Variants in MYL6B observed in about 807,000 individuals in gnomAD.
MYL6B encodes the protein myosin alkali light chain 1 slow a.
Under a neutral mutation model 24.5 loss-of-function variants are expected in MYL6B, and 19 were observed. The observed-to-expected ratio is 0.78, with a 90% CI of 0.54 to 1.14. The LOEUF (loss-of-function observed/expected upper bound fraction) is 1.14. MYL6B is among the 50% of genes most tolerant of loss of function. The probability of loss-of-function intolerance (pLI) is 0.00; values close to 1 mark genes in which losing one functional copy is unlikely to be tolerated. For missense variants in MYL6B, 230 were observed against 263.8 expected (o/e 0.87, Z 0.89); for synonymous variants, 90 against 100.7 (o/e 0.89, Z 0.64).
chr12:56,155,737 G>C lies in MYL6B; in HGVS notation c.520+145G>C, dbSNP rs761923982. 47 of 1,540,678 alleles carry C rather than the reference G, an allele frequency of 3.1e-5. No homozygotes were observed. In the South Asian group the frequency reaches 5.5e-4, roughly 18 times the overall value. ...AGGAGACTGAGAAGGTCAGAGCTATGGGGGTAGAATCTGAAGGACTCGCTC... is the reference window on the plus strand; with the variant it reads ...AGGAGACTGAGAAGGTCAGAGCTATCGGGGTAGAATCTGAAGGACTCGCTC... On this transcript the variant is annotated intron_variant, in intron 5 of 6. Coordinates refer to ENST00000553066, the Ensembl canonical transcript of MYL6B.
intron 5 of MYL6B, chr12:56,157,158 G>T (rs1179439533): frequency 1.7e-5 from 5 of 289,144 alleles, no homozygotes; most frequent in East Asian, 1.4e-4. Context: ...ACTTTGGGAG[G>T]CCGAGGCAGG....
At chr12:56,157,025 G>A in intron 5 of MYL6B, 1 of 155,382 alleles carries the variant, frequency 6.4e-6, no homozygotes, top group Non-Finnish European at 1.4e-5. Context: ...TCCAGCCTGG[G>A]TGACAGAGGG....
chr12:56,153,325 T>G (rs1871178869), intron 1 of MYL6B: 1 of 613,010 alleles, frequency 1.6e-6, no homozygotes, highest in Non-Finnish European at 2.0e-6. Flanking sequence ...AGTTCTTGGC[T>G]GGGTGGGGGC....
At chr12:56,153,829 G>A (rs1461584778) in intron 1 of MYL6B, 44 bp from the exon 2 acceptor site, 14 of 1,370,348 alleles carry the variant, frequency 1.0e-5, no homozygotes, top group Admixed American at 7.2e-5. Flanking sequence ...CCCTGCCCCT[G>A]CCCCCGCCCC....
intron 5 of MYL6B, among the ~76,000 whole-genome samples, chr12:56,156,736 T>G (rs1409455721): frequency 6.7e-6 from 1 of 149,936 alleles, no homozygotes; most frequent in Non-Finnish European, 1.5e-5. Flanking sequence ...CGTAGTGAGA[T>G]TCTATCTCTA....
At chr12:56,156,481 T>G (rs922607316) in intron 5 of MYL6B, among the ~76,000 whole-genome samples, 2 of 151,228 alleles carry the variant, frequency 1.3e-5, no homozygotes, top group Non-Finnish European at 2.9e-5. Context: ...GGCGGGTGCC[T>G]GTAATCCCAG....
chr12:56,154,853 T>G lies in MYL6B; in HGVS notation c.202+13T>G. On this transcript the variant is annotated intron_variant, in intron 3 of 6. Transcript: ENST00000553066. ...GACCAGCTGGAGGGTGAGGAGAAGC[T>G]CATCTAAGGCCACTGTCCCATCCCC... is the stretch of plus-strand genomic sequence containing the variant. 6.2e-7 allele frequency: 1 copy of G among 1,611,876 alleles called. No homozygotes were observed.
chr12:56,155,850 T>C, intron 5 of MYL6B: 1 of 1,372,932 alleles, frequency 7.3e-7, no homozygotes, highest in East Asian at 3.1e-5. Context: ...GACGTGTGGG[T>C]TGTGTGTTCT....
At chr12:56,153,570 C>T in intron 1 of MYL6B, 1 of 738,392 alleles carries the variant, frequency 1.4e-6, no homozygotes, top group Non-Finnish European at 1.7e-6. Flanking sequence ...TGCCTCACCA[C>T]CCCCATCTCA....
rs1871268946 is a variant in MYL6B at position 56,155,409 on chromosome 12, C to T, written c.347-10C>T. The stretch of plus-strand genomic sequence containing the variant: ...CAATGACCTCTCCTTTACCTCTCTC[C>T]AACCTCCAGAGCTGAAGTCGCGGCG... On this transcript the variant is annotated splice_polypyrimidine_tract_variant and intron_variant, in intron 4 of 6. Transcript: ENST00000553066. 1 of 1,614,146 alleles carries T rather than the reference C, an allele frequency of 6.2e-7. No individual in the cohort carries two copies. Among genetic ancestry groups the T allele is most frequent in the Non-Finnish European group, 8.5e-7 (1 of 1,180,028 alleles).
exon 6 of MYL6B, chr12:56,157,478 G>T: frequency 6.2e-7 from 1 of 1,614,072 alleles, no homozygotes; most frequent in South Asian, 1.1e-5. Context: ...GAGAGAAGAT[G>T]ACTGAGGAGG....
In MYL6B at chr12:56,157,973, CCT is replaced by C. The variant is rs1208357903; in HGVS notation, c.*252_*253del. ...ATTGTTTCAAAATAAAGACTGGGTT[CCT>C]CTCTTGGTTTCAGACTGCTATTTTT... On this transcript the variant is annotated 3_prime_UTR_variant, in exon 7 of 7. Coordinates refer to ENST00000553066, the Ensembl canonical transcript of MYL6B. 3 of 589,284 alleles carry C rather than the reference CCT, an allele frequency of 5.1e-6. No individual in the cohort carries two copies. In the East Asian group the frequency reaches 8.6e-5, roughly 17 times the overall value. The allele number at this position is 589,284 out of a possible 1,614,324, so 36.5% of individuals were successfully genotyped here. A position where few individuals can be genotyped will look rare whatever the true frequency, so the allele number is the denominator to read the frequency against.
At chr12:56,157,646 G>C in intron 6 of MYL6B, 52 bp from the exon 7 acceptor site, 2 of 1,613,424 alleles carry the variant, frequency 1.2e-6, no homozygotes, top group South Asian at 2.2e-5. Context: ...AGAGTCAGAT[G>C]TATTATCCAA....
intron 2 of MYL6B, among the ~76,000 whole-genome samples, 199 bp downstream of exon 2, chr12:56,154,291 A>G (rs1177030235): frequency 6.6e-6 from 1 of 152,090 alleles, no homozygotes; most frequent in Non-Finnish European, 1.5e-5. Flanking sequence ...CCTCTAACCT[A>G]TAATCATGTG....
At chr12:56,157,588 C>G in intron 6 of MYL6B, 43 bp downstream of exon 6, 1 of 1,612,864 alleles carries the variant, frequency 6.2e-7, no homozygotes, top group Non-Finnish European at 8.5e-7. Context: ...GGGAGGAGGG[C>G]AGCCTGGCGT....
At chr12:56,154,164 G>C (rs181635596) in intron 2 of MYL6B, 72 bp downstream of exon 2, 604 of 1,451,748 alleles carry the variant, frequency 4.2e-4, no homozygotes, top group Non-Finnish European at 5.3e-4. Context: ...AGGGGATTAG[G>C]GGGTATCTAG....
intron 3 of MYL6B, 107 bp downstream of exon 3, chr12:56,154,947 T>C: frequency 6.4e-7 from 1 of 1,558,690 alleles, no homozygotes. Context: ...CCCATACTAG[T>C]CCTCTTTTCC....
intron 5 of MYL6B, chr12:56,157,085 A>G (rs1034941506): frequency 5.9e-6 from 1 of 168,560 alleles, no homozygotes; most frequent in Non-Finnish European, 1.3e-5. Flanking sequence ...TTATGTTTAT[A>G]TTGTTGTTTA....
exon 4 of MYL6B, chr12:56,155,140 G>A: frequency 6.2e-7 from 1 of 1,614,072 alleles, no homozygotes; most frequent in Non-Finnish European, 8.5e-7. Context: ...TGAGGGCCCT[G>A]GGCCAGAACC....
Sources: gnomAD v4.1 joint callset for allele counts (sites outside exome capture counted in the v4.1 genomes callset) on GRCh38, gnomAD v4.1.1 for gene constraint, MANE v1.5 for transcripts, NCBI Gene and HGNC (gene_info 2026-07-23, HGNC 2026-07-21) for gene names.